The following SLIT3 variants were observed in gnomAD, a reference collection of about 807,000 sequenced individuals.
SLIT3 encodes the protein slit homolog 3 protein.
A neutral mutation model predicts 184.0 loss-of-function variants in SLIT3; 68 were observed. That is an observed-to-expected ratio of 0.37 (90% CI 0.30 to 0.45). The LOEUF is 0.45. Ranked by LOEUF, SLIT3 falls within the 20% of genes least tolerant of loss-of-function variation. The probability of loss-of-function intolerance (pLI) is 1.00; values close to 1 mark genes in which losing one functional copy is unlikely to be tolerated. For synonymous variants in SLIT3, 831 were observed against 828.6 expected (o/e 1.00, Z -0.05); for missense variants, 1,707 against 2,026.0 (o/e 0.84, Z 3.02).
At chr5:169,285,024 C>T (rs1379252313) in intron 1 of SLIT3, among the ~76,000 whole-genome samples, 1 of 152,116 alleles carries the variant, frequency 6.6e-6, no homozygotes, top group South Asian at 2.1e-4. Context: ...ATCCTTCCCA[C>T]CTCAGCCTCC....
intron 18 of SLIT3, 180 bp downstream of exon 18, chr5:168,752,769 AGGGGCC>A: frequency 1.7e-6 from 1 of 591,088 alleles, no homozygotes; most frequent in Non-Finnish European, 3.0e-6. Flanking sequence ...TCCAGGAAGG[AGGGGCC>A]GGGTGTGTGC....
At chr5:169,286,095 T>G (rs1176921851) in intron 1 of SLIT3, among the ~76,000 whole-genome samples, 1 of 152,184 alleles carries the variant, frequency 6.6e-6, no homozygotes, top group African/African-American at 2.4e-5. Flanking sequence ...TCATTTGATC[T>G]TCCTAGTAAG....
intron 24 of SLIT3, among the ~76,000 whole-genome samples, chr5:168,711,416 T>C (rs1762556714): frequency 6.6e-6 from 1 of 152,080 alleles, no homozygotes; most frequent in African/African-American, 2.4e-5. Context: ...CACTGGAGGA[T>C]ATACTCTGCA....
At chr5:168,970,506 A>AAC (rs1754535598) in intron 4 of SLIT3, among the ~76,000 whole-genome samples, 1 of 151,644 alleles carries the variant, frequency 6.6e-6, no homozygotes, top group Admixed American at 6.6e-5. Context: ...AAATAAAAAA[A>AAC]AAAAAAAAAC....
chr5:169,245,109 T>G (rs1256257869), intron 2 of SLIT3, among the ~76,000 whole-genome samples: 1 of 152,098 alleles, frequency 6.6e-6, no homozygotes, highest in Non-Finnish European at 1.5e-5. Context: ...ACACATAGAT[T>G]CAGCATCTCT....
intron 14 of SLIT3, chr5:168,768,116 A>G (rs775389067): frequency 2.1e-6 from 1 of 473,248 alleles, no homozygotes; most frequent in Non-Finnish European, 4.3e-6. Context: ...AGAGGTGTCC[A>G]GCGGTGGTGG....
intron 4 of SLIT3, among the ~76,000 whole-genome samples, chr5:169,181,429 T>C (rs961538612): frequency 6.6e-6 from 1 of 152,044 alleles, no homozygotes; most frequent in African/African-American, 2.4e-5. Flanking sequence ...TTGCTACCAC[T>C]GGTTTTCATC....
intron 6 of SLIT3, among the ~76,000 whole-genome samples, chr5:168,830,779 C>T (rs890441715): frequency 3.3e-5 from 5 of 152,208 alleles, no homozygotes; most frequent in Non-Finnish European, 5.9e-5. Context: ...AGAGGTGTGA[C>T]ACCAGGACCT....
intron 2 of SLIT3, among the ~76,000 whole-genome samples, chr5:169,250,421 T>C (rs1322870338): frequency 1.3e-5 from 2 of 152,346 alleles, no homozygotes; most frequent in East Asian, 3.9e-4. Flanking sequence ...GTATTCCCTA[T>C]ACTGCAGATG....
At chr5:168,755,954 A>G (rs1488136112) in intron 16 of SLIT3, among the ~76,000 whole-genome samples, 1 of 152,196 alleles carries the variant, frequency 6.6e-6, no homozygotes, top group Non-Finnish European at 1.5e-5. Context: ...CCCTGGCCAG[A>G]TGGATGAACT....
At chr5:169,051,092 A>G (rs932536089) in intron 4 of SLIT3, among the ~76,000 whole-genome samples, 1 of 152,222 alleles carries the variant, frequency 6.6e-6, no homozygotes, top group Non-Finnish European at 1.5e-5. Context: ...CAGGAAGTTC[A>G]TGTCAACTTC....
chr5:168,733,171 G>A (rs1432335803), intron 20 of SLIT3, among the ~76,000 whole-genome samples: 1 of 151,720 alleles, frequency 6.6e-6, no homozygotes, highest in Non-Finnish European at 1.5e-5. Flanking sequence ...CATACAATTG[G>A]TCAAACATAT....
chr5:169,094,397 G>C (rs1357727890), intron 4 of SLIT3, among the ~76,000 whole-genome samples: 5 of 152,242 alleles, frequency 3.3e-5, no homozygotes, highest in African/African-American at 1.2e-4. Context: ...GGGAGGCCAA[G>C]GCGGGTGGAT....
intron 4 of SLIT3, chr5:169,012,394 T>C (rs1434342052): frequency 6.6e-6 from 1 of 152,226 alleles, no homozygotes; most frequent in Non-Finnish European, 1.5e-5. Flanking sequence ...GTGCTCAATC[T>C]TACAAGCCTG....
chr5:168,697,137 G>A (rs948932226), intron 27 of SLIT3, among the ~76,000 whole-genome samples: 1 of 152,200 alleles, frequency 6.6e-6, no homozygotes, highest in Non-Finnish European at 1.5e-5. Context: ...GTTCTTCAGG[G>A]ATGCCATTTC....
intron 4 of SLIT3, among the ~76,000 whole-genome samples, chr5:169,059,507 G>C (rs987304344): frequency 6.6e-6 from 1 of 152,098 alleles, no homozygotes; most frequent in Non-Finnish European, 1.5e-5. Flanking sequence ...GCAGTGATTT[G>C]AACCCAATGC....
At chr5:168,712,602 C>A in intron 23 of SLIT3, 1 of 474,434 alleles carries the variant, frequency 2.1e-6, no homozygotes, top group East Asian at 3.4e-5. Flanking sequence ...AGACCTGAGG[C>A]GAAATCAGAA....
In SLIT3 at chr5:168,842,488, G is replaced by GTTTTT. The variant is rs1294599549; in HGVS notation, c.557+2095_557+2096insAAAAA. On this transcript the variant is annotated intron_variant, in intron 6 of 35. Coordinates refer to ENST00000519560, the MANE Select transcript of SLIT3 (RefSeq NM_003062.4). Reference sequence around the variant, plus strand: ...TTTTTCGTTTTTTTTTTTTTTTTTTGTATCTGAGTAGAGGAGAGCTGTCCA... The same window carrying GTTTTT: ...TTTTTCGTTTTTTTTTTTTTTTTTTGTTTTTTATCTGAGTAGAGGAGAGCTGTCCA... 1.2e-3 allele frequency among the ~76,000 whole-genome samples: 102 copies of GTTTTT among 87,264 alleles called. 4 individuals are homozygous for GTTTTT. In the South Asian group the frequency reaches 0.035, roughly 30 times the overall value. The allele number at this position is 87,264 out of a possible 152,430, so 57.2% of individuals were successfully genotyped here.
intron 4 of SLIT3, among the ~76,000 whole-genome samples, chr5:168,972,356 T>TGTGTGTGG: frequency 6.6e-6 from 1 of 150,882 alleles, no homozygotes; most frequent in Non-Finnish European, 1.5e-5. Context: ...TGTGTGTGTG[T>TGTGTGTGG]GTGTGTGTGT....
Sources: allele counts gnomAD v4.1 joint callset (sites outside exome capture counted in the v4.1 genomes callset), GRCh38; gene constraint gnomAD v4.1.1; transcripts MANE v1.5; gene names NCBI Gene and HGNC (gene_info 2026-07-23, HGNC 2026-07-21).